The following DIAPH2 variants were observed in gnomAD, a reference collection of about 807,000 sequenced individuals.
The protein encoded by DIAPH2 is diaphanous related formin 2, also known as protein diaphanous homolog 2.
A neutral mutation model predicts 92.7 loss-of-function variants in DIAPH2; 35 were observed. The observed-to-expected ratio is 0.38, with a 90% confidence interval of 0.29 to 0.50. The LOEUF (loss-of-function observed/expected upper bound fraction) is 0.50, where lower values mean the gene tolerates loss of function less well. Among genes scored for constraint, DIAPH2 ranks in the 20% least tolerant of loss-of-function variants. DIAPH2 has a pLI of 0.94. For synonymous variants in DIAPH2, 301 were observed against 280.4 expected, an observed-to-expected ratio of 1.07 and a Z score of -0.73; for missense variants, 701 against 819.5, an observed-to-expected ratio of 0.86 and a Z score of 1.77.
chrX:97,218,331 C>A (rs1221418214), intron 22 of DIAPH2, among the ~76,000 whole-genome samples: 2 of 111,507 alleles, frequency 1.8e-5, no homozygotes, highest in Non-Finnish European at 3.8e-5. Flanking sequence ...CTCAGGTGAT[C>A]TGCCTGCCTC....
intron 16 of DIAPH2, among the ~76,000 whole-genome samples, chrX:96,963,840 T>C (rs917639706): frequency 2.7e-5 from 3 of 111,844 alleles, no homozygotes; most frequent in Non-Finnish European, 5.6e-5. Flanking sequence ...TTTTCTTGAA[T>C]AAAATCCTTT....
At chrX:97,159,063 C>G (rs1352099008) in intron 22 of DIAPH2, among the ~76,000 whole-genome samples, 3 of 111,803 alleles carry the variant, frequency 2.7e-5, no homozygotes, top group African/African-American at 9.7e-5. Flanking sequence ...TATTCACAGC[C>G]CTTGGCTTTT....
intron 26 of DIAPH2, among the ~76,000 whole-genome samples, chrX:97,596,324 C>G (rs1266556253): frequency 8.9e-6 from 1 of 111,963 alleles, no homozygotes; most frequent in Non-Finnish European, 1.9e-5. Context: ...CATATATACA[C>G]AGACAGACCC....
At chrX:97,276,004 C>T (rs1052999600) in intron 23 of DIAPH2, among the ~76,000 whole-genome samples, 1 of 112,968 alleles carries the variant, frequency 8.9e-6, no homozygotes. Flanking sequence ...ACTGAGTGAA[C>T]GAGACTCCGT....
intron 23 of DIAPH2, among the ~76,000 whole-genome samples, chrX:97,258,982 G>C (rs994609517): frequency 1.8e-5 from 2 of 110,341 alleles, no homozygotes; most frequent in African/African-American, 6.6e-5. Flanking sequence ...GTATGTGAAC[G>C]CTCAACACAG....
intron 26 of DIAPH2, among the ~76,000 whole-genome samples, chrX:97,484,060 C>T (rs1239770566): frequency 9.0e-6 from 1 of 110,912 alleles, no homozygotes; most frequent in Non-Finnish European, 1.9e-5. Context: ...ACGTTGTACC[C>T]CATAAATATA....
At chrX:97,366,054 C>T (rs766351723) in intron 24 of DIAPH2, among the ~76,000 whole-genome samples, 19 of 111,758 alleles carry the variant, frequency 1.7e-4, no homozygotes, top group African/African-American at 5.2e-4. Context: ...ACAGACCTGC[C>T]TTCTTTGTGC....
intron 4 of DIAPH2, among the ~76,000 whole-genome samples, chrX:96,776,197 C>CTTCTT (rs760995238): frequency 1.8e-5 from 2 of 110,497 alleles, no homozygotes; most frequent in African/African-American, 6.6e-5. Flanking sequence ...GTATCCTTTT[C>CTTCTT]TTCTTTTCTT....
At chrX:97,461,408 A>G (rs2070457692) in intron 26 of DIAPH2, among the ~76,000 whole-genome samples, 2 of 111,598 alleles carry the variant, frequency 1.8e-5, no homozygotes, top group South Asian at 7.5e-4. Context: ...TAAACAGAAC[A>G]TAACAAAAGA....
chrX:97,416,678 A>G (rs779980182), intron 25 of DIAPH2, among the ~76,000 whole-genome samples: 1 of 111,844 alleles, frequency 8.9e-6, no homozygotes, highest in Non-Finnish European at 1.9e-5. Context: ...TTGTGGTTAT[A>G]TCTTGAATGA....
At chrX:97,230,304 A>G (rs1174318608) in intron 22 of DIAPH2, among the ~76,000 whole-genome samples, 1 of 112,032 alleles carries the variant, frequency 8.9e-6, no homozygotes, top group Non-Finnish European at 1.9e-5. Flanking sequence ...AAATTATAAT[A>G]AATGCAAATA....
At chrX:96,962,410 T>TATATACAC (rs2065864222) in intron 16 of DIAPH2, among the ~76,000 whole-genome samples, 1 of 61,414 alleles carries the variant, frequency 1.6e-5, no homozygotes, top group Non-Finnish European at 3.1e-5. Context: ...TATACACATA[T>TATATACAC]ATATATACAC....
intron 26 of DIAPH2, among the ~76,000 whole-genome samples, chrX:97,516,012 G>GGGAGGC (rs1420343642): frequency 9.1e-6 from 1 of 110,434 alleles, no homozygotes; most frequent in Admixed American, 9.7e-5. Flanking sequence ...CTAGCACACC[G>GGGAGGC]GGAGGCGGAG....
intron 25 of DIAPH2, among the ~76,000 whole-genome samples, chrX:97,420,417 A>T (rs1332280450): frequency 3.6e-5 from 4 of 111,815 alleles, no homozygotes; most frequent in Non-Finnish European, 7.5e-5. Context: ...ATATCCACTT[A>T]TGACCCCTAA....
At position 96,879,466 on chromosome X, in the gene DIAPH2, C is replaced by T. The variant is rs185238267; in HGVS notation, c.448-2113C>T. 8.1e-5 allele frequency among the ~76,000 whole-genome samples: 9 copies of T among 111,486 alleles called. No individual in the cohort carries two copies. The East Asian group carries it at 8.4e-4, about 10-fold the overall frequency. On this transcript the variant is annotated intron_variant, in intron 4 of 26. Coordinates refer to ENST00000324765, the MANE Select transcript of DIAPH2 (RefSeq NM_006729.5). ...GACTACAGACTTGAAAATTTTAATT[C>T]GTTTTACTAGTAGTTTTCAGACTGG...
Position 97,604,995 on chromosome X carries a change from A to C in DIAPH2, c.*5678A>C, listed in dbSNP as rs184718592. The C allele has an allele frequency of 8.9e-6, 1 of 112,262 alleles. No individual in the cohort carries two copies. Among genetic ancestry groups the C allele is most frequent in the Non-Finnish European group, 1.9e-5 (1 of 53,302 alleles). 9.3% of individuals were successfully genotyped at this position (112,262 alleles called of 1,213,427 possible). A position where few individuals can be genotyped will look rare whatever the true frequency, so the allele number is the denominator to read the frequency against. On this transcript the variant is annotated 3_prime_UTR_variant, in exon 27 of 27. Transcript: ENST00000324765. ...ATTCAATAAAGTTAAGATATACGTT[A>C]AATGTTGTGCTGCCTATGATAATTA...
intron 26 of DIAPH2, among the ~76,000 whole-genome samples, chrX:97,445,736 C>T (rs1386722730): frequency 9.0e-6 from 1 of 110,664 alleles, no homozygotes; most frequent in African/African-American, 3.3e-5. Context: ...GCGTGAGCCA[C>T]CACACCCAGC....
intron 24 of DIAPH2, among the ~76,000 whole-genome samples, chrX:97,377,134 C>T (rs1229466056): frequency 9.0e-6 from 1 of 111,354 alleles, no homozygotes; most frequent in Non-Finnish European, 1.9e-5. Context: ...TCTTCAGGGG[C>T]AATAACACAC....
intron 23 of DIAPH2, among the ~76,000 whole-genome samples, chrX:97,286,702 A>G (rs1004719089): frequency 8.1e-5 from 9 of 111,254 alleles, no homozygotes; most frequent in East Asian, 2.9e-4. Flanking sequence ...CTTCTAGTCC[A>G]TGGAAAACAC....
Sources: allele counts gnomAD v4.1 joint callset (sites outside exome capture counted in the v4.1 genomes callset), GRCh38; gene constraint gnomAD v4.1.1; transcripts MANE v1.5; gene names NCBI Gene and HGNC (gene_info 2026-07-23, HGNC 2026-07-21).